CACNB2: variants seen among roughly 807,000 people sequenced by gnomAD.
CACNB2 encodes the protein voltage-dependent L-type calcium channel subunit beta-2.
CACNB2 carries 42 observed loss-of-function variants against 73.3 expected under a neutral mutation model. That is an observed-to-expected ratio of 0.57 (90% CI 0.45 to 0.74). CACNB2 has a LOEUF of 0.74. Ranked by LOEUF, CACNB2 falls within the 30% of genes least tolerant of loss-of-function variation. CACNB2 has a pLI of 0.00. For synonymous variants in CACNB2, 348 were observed against 310.3 expected, an observed-to-expected ratio of 1.12 and a Z score of -1.28; for missense variants, 940 against 853.0, an observed-to-expected ratio of 1.10 and a Z score of -1.27.
At chr10:18,313,078 A>T (rs990774771) in intron 2 of CACNB2, among the ~76,000 whole-genome samples, 1 of 152,146 alleles carries the variant, frequency 6.6e-6, no homozygotes, top group African/African-American at 2.4e-5. Flanking sequence ...GGTGACTGTG[A>T]TCATTTTTTA....
chr10:18,378,992 G>A (rs886174153), intron 2 of CACNB2, among the ~76,000 whole-genome samples: 4 of 152,086 alleles, frequency 2.6e-5, no homozygotes, highest in Middle Eastern at 3.2e-3. Context: ...CCAGGAACCC[G>A]GGCTTTCTTC....
intron 3 of CACNB2, among the ~76,000 whole-genome samples, chr10:18,477,851 A>T (rs928027858): frequency 6.6e-6 from 1 of 152,198 alleles, no homozygotes; most frequent in Non-Finnish European, 1.5e-5. Flanking sequence ...GCTTAGGAAC[A>T]AAAGGGAAGG....
At chr10:18,499,125 G>A (rs189740809) in intron 4 of CACNB2, among the ~76,000 whole-genome samples, 338 of 152,318 alleles carry the variant, frequency 2.2e-3, no homozygotes, top group African/African-American at 7.6e-3. Flanking sequence ...GCCTTGTGGA[G>A]CACTGTGTAA....
chr10:18,368,916 C>T (rs546347807), intron 2 of CACNB2, among the ~76,000 whole-genome samples: 4 of 152,050 alleles, frequency 2.6e-5, no homozygotes, highest in African/African-American at 9.6e-5. Context: ...GAGAGAGAAC[C>T]AGTCTGCACG....
chr10:18,151,007 T>C (rs1190458239), intron 2 of CACNB2, 32 bp downstream of exon 2: 4 of 1,293,262 alleles, frequency 3.1e-6, no homozygotes, highest in Non-Finnish European at 3.4e-6. Context: ...TTTTGATAAG[T>C]ACCTTAAAAT....
chr10:18,423,197 G>A (rs910974900), intron 3 of CACNB2, among the ~76,000 whole-genome samples: 7 of 152,150 alleles, frequency 4.6e-5, no homozygotes, highest in Non-Finnish European at 1.0e-4. Flanking sequence ...CCTCAGTGAG[G>A]AATCAGGATT....
At chr10:18,251,768 A>G (rs1461872064) in intron 2 of CACNB2, among the ~76,000 whole-genome samples, 1 of 152,180 alleles carries the variant, frequency 6.6e-6, no homozygotes, top group Non-Finnish European at 1.5e-5. Context: ...ATGGTGGAAA[A>G]GGGGACAGAG....
chr10:18,302,676 G>A (rs2131840493), intron 2 of CACNB2, among the ~76,000 whole-genome samples: 1 of 152,100 alleles, frequency 6.6e-6, no homozygotes, highest in South Asian at 2.1e-4. Context: ...CATAAGAATG[G>A]CATAATGGAC....
chr10:18,399,450 C>T (rs2132514784), intron 2 of CACNB2, among the ~76,000 whole-genome samples: 1 of 152,262 alleles, frequency 6.6e-6, no homozygotes, highest in South Asian at 2.1e-4. Context: ...AACTTTCATT[C>T]TGAAACCCCT....
At chr10:18,406,117 C>G (rs751156988) in intron 3 of CACNB2, among the ~76,000 whole-genome samples, 2 of 152,098 alleles carry the variant, frequency 1.3e-5, no homozygotes, top group South Asian at 4.1e-4. Flanking sequence ...ACTGCAAGGC[C>G]GGAGCCACAA....
intron 2 of CACNB2, chr10:18,261,385 G>A: frequency 6.4e-7 from 1 of 1,550,554 alleles, no homozygotes; most frequent in Non-Finnish European, 8.7e-7. Flanking sequence ...TCTGGTGCAT[G>A]TTGCCTCTTT....
intron 2 of CACNB2, among the ~76,000 whole-genome samples, chr10:18,295,581 C>G (rs1261807805): frequency 6.6e-6 from 1 of 152,036 alleles, no homozygotes; most frequent in African/African-American, 2.4e-5. Context: ...ATTGGTTGTT[C>G]TTAATGTTTT....
At chr10:18,538,818 T>C (rs902444302) in intron 13 of CACNB2, among the ~76,000 whole-genome samples, 2 of 152,200 alleles carry the variant, frequency 1.3e-5, no homozygotes, top group Non-Finnish European at 2.9e-5. Context: ...GCCTGTCCCA[T>C]ACTGTATCAC....
intron 3 of CACNB2, among the ~76,000 whole-genome samples, chr10:18,484,009 T>C (rs1589498409): frequency 6.6e-6 from 1 of 152,218 alleles, no homozygotes; most frequent in East Asian, 1.9e-4. Context: ...TTTCGTGGGC[T>C]GAGACTCTTC....
chr10:18,320,742 A>G (rs952223612), intron 2 of CACNB2, among the ~76,000 whole-genome samples: 2 of 152,210 alleles, frequency 1.3e-5, no homozygotes, highest in Non-Finnish European at 2.9e-5. Flanking sequence ...ACATAGTTAG[A>G]ACTGCGTAAC....
intron 2 of CACNB2, among the ~76,000 whole-genome samples, chr10:18,225,518 C>G (rs926521707): frequency 6.6e-6 from 1 of 150,672 alleles, no homozygotes; most frequent in Admixed American, 6.6e-5. Flanking sequence ...AATTTTCTCT[C>G]TCTCTTTTCT....
Position 18,223,991 on chromosome 10 carries a change from A to AT in CACNB2, c.213+73028dup, listed in dbSNP as rs11310932. On this transcript the variant is annotated intron_variant, in intron 2 of 13. Coordinates refer to ENST00000324631, the MANE Select transcript of CACNB2 (RefSeq NM_201596.3). The stretch of plus-strand genomic sequence containing the variant: ...CACTGCATCTTAAACTAAGGGGTCT[A>AT]TTTTTTTTTTTTGTCCTGGGAAAAG... 2.3e-4 allele frequency among the ~76,000 whole-genome samples: 34 copies of AT among 147,020 alleles called. No homozygotes were observed. In the South Asian group the frequency reaches 5.8e-3, roughly 25 times the overall value.
At chr10:18,383,863 G>C (rs1057013523) in intron 2 of CACNB2, among the ~76,000 whole-genome samples, 2 of 151,982 alleles carry the variant, frequency 1.3e-5, no homozygotes, top group African/African-American at 4.8e-5. Context: ...ACACCACCAC[G>C]CCCGGCTAAT....
At chr10:18,270,893 GA>G (rs1257785521) in intron 2 of CACNB2, among the ~76,000 whole-genome samples, 1 of 152,022 alleles carries the variant, frequency 6.6e-6, no homozygotes, top group Non-Finnish European at 1.5e-5. Flanking sequence ...CGTAATGGTT[GA>G]ATACATATAT....
Sources: allele counts gnomAD v4.1 joint callset (sites outside exome capture counted in the v4.1 genomes callset), GRCh38; gene constraint gnomAD v4.1.1; transcripts MANE v1.5; gene names NCBI Gene and HGNC (gene_info 2026-07-23, HGNC 2026-07-21).